DDR2: variants seen among roughly 807,000 people sequenced by gnomAD.
The protein encoded by DDR2 is discoidin domain receptor tyrosine kinase 2.
A neutral mutation model predicts 94.9 loss-of-function variants in DDR2; 27 were observed. The ratio of observed to expected loss-of-function variants is 0.28; its 90% CI spans 0.21 to 0.39. DDR2 has a LOEUF of 0.39. Ranked by LOEUF, DDR2 falls within the 10% of genes least tolerant of loss-of-function variation. The pLI, the probability that DDR2 is intolerant of heterozygous loss-of-function variation, is 1.00. For synonymous variants in DDR2, 382 were observed against 377.2 expected, an observed-to-expected ratio of 1.01 and a Z score of -0.15; for missense variants, 783 against 1,076.0, an observed-to-expected ratio of 0.73 and a Z score of 3.81.
chr1:162,750,484 AAAGT>A (rs979745765), intron 3 of DDR2, among the ~76,000 whole-genome samples: 1 of 152,082 alleles, frequency 6.6e-6, no homozygotes, highest in African/African-American at 2.4e-5. Flanking sequence ...ACTGCTCAAC[AAAGT>A]AAAAGAGGAC....
At chr1:162,750,343 A>G (rs1214156158) in intron 3 of DDR2, among the ~76,000 whole-genome samples, 39 of 152,172 alleles carry the variant, frequency 2.6e-4, no homozygotes, top group Non-Finnish European at 5.1e-4. Flanking sequence ...ATTCCTATAC[A>G]CCAATAAGAG....
chr1:162,678,558 A>T (rs1190683374), intron 2 of DDR2, among the ~76,000 whole-genome samples: 2 of 152,226 alleles, frequency 1.3e-5, no homozygotes, highest in Non-Finnish European at 2.9e-5. Flanking sequence ...GTAAATGAGG[A>T]ATCACTGGCC....
At chr1:162,665,782 A>C (rs1172248147) in intron 2 of DDR2, among the ~76,000 whole-genome samples, 2 of 152,214 alleles carry the variant, frequency 1.3e-5, no homozygotes, top group African/African-American at 4.8e-5. Flanking sequence ...CCCCAGATAC[A>C]TAAGAGGAGA....
chr1:162,768,016 C>T (rs1571313860), intron 11 of DDR2, among the ~76,000 whole-genome samples: 1 of 152,270 alleles, frequency 6.6e-6, no homozygotes, highest in Admixed American at 6.5e-5. Context: ...AATTTTTCCT[C>T]ATGCATAATT....
intron 9 of DDR2, among the ~76,000 whole-genome samples, chr1:162,762,679 C>T (rs1164749621): frequency 1.3e-5 from 2 of 152,126 alleles, no homozygotes; most frequent in Non-Finnish European, 2.9e-5. Flanking sequence ...CTTATCTTCC[C>T]CTTTAATTGT....
chr1:162,770,356 GAT>G lies in DDR2; in HGVS notation c.1349_1350del (p.Asp450ValfsTer2). The G allele has an allele frequency of 6.2e-7, 1 of 1,614,074 alleles. No homozygotes were observed. Among genetic ancestry groups the G allele is most frequent in the Non-Finnish European group, 8.5e-7 (1 of 1,179,986 alleles). On this transcript the variant is annotated frameshift_variant, in exon 12 of 18. Coordinates refer to ENST00000367921, the MANE Select transcript of DDR2 (RefSeq NM_006182.4). LOFTEE classifies it high-confidence loss of function. ...EMTVSLSLPS[D>X]SSMFNNNRSS... ...GACAGTCAGCCTTTCCCTGCCAAGT[GAT>G]TCTAGCATGTTCAACAATAACCGCT...
intron 2 of DDR2, among the ~76,000 whole-genome samples, chr1:162,656,355 G>C (rs924958286): frequency 1.3e-5 from 2 of 152,102 alleles, no homozygotes; most frequent in African/African-American, 4.8e-5. Context: ...TTGGGATAAG[G>C]GTGGGGCTAA....
chr1:162,680,977 C>T (rs531629487), intron 2 of DDR2, among the ~76,000 whole-genome samples: 3 of 152,172 alleles, frequency 2.0e-5, no homozygotes, highest in African/African-American at 4.8e-5. Context: ...TCCATAGAGA[C>T]GTGAACATCG....
At position 162,698,198 on chromosome 1, in the gene DDR2, G is replaced by A. The variant is rs574714182; in HGVS notation, c.-27-20839G>A. Among the ~76,000 whole-genome samples, 4 of 152,316 alleles carry A rather than the reference G, an allele frequency of 2.6e-5. No homozygotes were observed. The East Asian group carries it at 5.8e-4, about 22-fold the overall frequency. On this transcript the variant is annotated intron_variant, in intron 2 of 17. Transcript: ENST00000367921. ...ACAGAGAAGGTGGGATAGTTGAGAA[G>A]GGAGTAAGATCAGACAAATGGCAAT...
intron 9 of DDR2, among the ~76,000 whole-genome samples, chr1:162,765,250 A>G (rs1663933920): frequency 6.6e-6 from 1 of 152,154 alleles, no homozygotes; most frequent in Non-Finnish European, 1.5e-5. Context: ...ATTAGTTTTC[A>G]CCGGAGCCTG....
At chr1:162,672,583 C>T (rs1658916948) in intron 2 of DDR2, among the ~76,000 whole-genome samples, 2 of 152,064 alleles carry the variant, frequency 1.3e-5, no homozygotes, top group African/African-American at 4.8e-5. Context: ...TATGTATACA[C>T]ATATATACAT....
At chr1:162,678,431 A>G (rs1347339666) in intron 2 of DDR2, among the ~76,000 whole-genome samples, 2 of 152,232 alleles carry the variant, frequency 1.3e-5, no homozygotes, top group Non-Finnish European at 2.9e-5. Context: ...GGTCTGTCCT[A>G]CCTGATGTGT....
intron 6 of DDR2, 55 bp downstream of exon 6, chr1:162,755,358 G>A (rs1367322159): frequency 5.0e-6 from 8 of 1,604,590 alleles, no homozygotes; most frequent in Non-Finnish European, 6.8e-6. Context: ...CAACTTCTGG[G>A]AAATGAAGGC....
At chr1:162,671,853 A>G (rs1462541124) in intron 2 of DDR2, among the ~76,000 whole-genome samples, 1 of 152,196 alleles carries the variant, frequency 6.6e-6, no homozygotes, top group Admixed American at 6.5e-5. Context: ...GGTCAAAAAC[A>G]TAGTCATCTT....
intron 3 of DDR2, 93 bp from the exon 4 acceptor site, chr1:162,753,002 C>T (rs932644177): frequency 6.3e-6 from 7 of 1,104,884 alleles, no homozygotes; most frequent in African/African-American, 6.2e-5. Context: ...TCTCTTATTC[C>T]TTGTTCAATA....
chr1:162,751,732 G>A (rs1663206069), intron 3 of DDR2, among the ~76,000 whole-genome samples: 1 of 152,228 alleles, frequency 6.6e-6, no homozygotes, highest in Non-Finnish European at 1.5e-5. Flanking sequence ...CAATAGCAAA[G>A]ACTTGGAATC....
At chr1:162,662,305 C>A (rs1055016688) in intron 2 of DDR2, among the ~76,000 whole-genome samples, 1 of 152,174 alleles carries the variant, frequency 6.6e-6, no homozygotes, top group African/African-American at 2.4e-5. Context: ...GAGAGTCAGA[C>A]ACATCTGAGT....
intron 2 of DDR2, among the ~76,000 whole-genome samples, chr1:162,699,947 TG>T (rs1660355767): frequency 6.6e-6 from 1 of 152,246 alleles, no homozygotes; most frequent in African/African-American, 2.4e-5. Flanking sequence ...CTTCCTAAGT[TG>T]ATATGTAGCT....
intron 1 of DDR2, among the ~76,000 whole-genome samples, chr1:162,643,736 C>T (rs995615541): frequency 1.3e-5 from 2 of 152,212 alleles, no homozygotes; most frequent in Non-Finnish European, 2.9e-5. Context: ...CTGCCTCGGC[C>T]TCCCAAAGTG....
Sources: allele counts gnomAD v4.1 joint callset (sites outside exome capture counted in the v4.1 genomes callset), GRCh38; gene constraint gnomAD v4.1.1; transcripts MANE v1.5; gene names NCBI Gene and HGNC (gene_info 2026-07-23, HGNC 2026-07-21).